The following DPH6 variants were observed in gnomAD, a reference collection of about 807,000 sequenced individuals.
DPH6 encodes diphthamine biosynthesis 6.
Under a neutral mutation model 38.2 loss-of-function variants are expected in DPH6, and 33 were observed. The observed-to-expected ratio is 0.86, with a 90% CI of 0.65 to 1.15. DPH6 has a LOEUF of 1.15. Among genes scored for constraint, DPH6 ranks in the 50% most tolerant of loss-of-function variants. The probability of loss-of-function intolerance (pLI) is 0.00; values close to 1 mark genes in which losing one functional copy is unlikely to be tolerated. For synonymous variants in DPH6, 108 were observed against 103.0 expected (o/e 1.05, Z -0.30); for missense variants, 325 against 320.0 (o/e 1.02, Z -0.12).
intron 6 of DPH6, among the ~76,000 whole-genome samples, chr15:35,410,603 A>C (rs907955466): frequency 6.6e-6 from 1 of 151,742 alleles, no homozygotes; most frequent in African/African-American, 2.4e-5. Context: ...TTTCTGACAG[A>C]CTAATTTCTT....
intron 5 of DPH6, among the ~76,000 whole-genome samples, chr15:35,415,480 C>T (rs1238115870): frequency 6.6e-6 from 1 of 151,944 alleles, no homozygotes; most frequent in African/African-American, 2.4e-5. Flanking sequence ...TCTTTTAATT[C>T]GTTGCAGAGT....
At chr15:35,389,624 T>C (rs571386372) in intron 6 of DPH6, among the ~76,000 whole-genome samples, 1 of 152,352 alleles carries the variant, frequency 6.6e-6, no homozygotes, top group East Asian at 1.9e-4. Flanking sequence ...TCGATCTTTG[T>C]TGGTTTAAAG....
chr15:35,191,843 C>T, the DPH6 span, among the ~76,000 whole-genome samples: 4 of 152,300 alleles, frequency 2.6e-5, no homozygotes, highest in East Asian at 7.7e-4. Flanking sequence ...TGCTTCCTTA[C>T]CTCTCCCTAA....
chr15:35,280,748 G>C (rs545169384), intron 3 of DPH6, among the ~76,000 whole-genome samples: 2 of 152,028 alleles, frequency 1.3e-5, no homozygotes, highest in African/African-American at 4.8e-5. Context: ...TCTCTTTTAT[G>C]TTCATTGAGG....
At chr15:35,471,269 ACT>A (rs2054195864) in intron 3 of DPH6, among the ~76,000 whole-genome samples, 1 of 151,974 alleles carries the variant, frequency 6.6e-6, no homozygotes, top group African/African-American at 2.4e-5. Flanking sequence ...GACTCTCTCC[ACT>A]CTCTCTGGGT....
At chr15:35,511,845 G>A (rs993523004) in intron 3 of DPH6, among the ~76,000 whole-genome samples, 1 of 152,052 alleles carries the variant, frequency 6.6e-6, no homozygotes, top group African/African-American at 2.4e-5. Context: ...ATATTATTTT[G>A]CAAAGTCTAA....
chr15:35,459,144 G>A (rs1273555835), intron 3 of DPH6, among the ~76,000 whole-genome samples: 4 of 152,174 alleles, frequency 2.6e-5, no homozygotes, highest in Non-Finnish European at 4.4e-5. Flanking sequence ...TGTAGACTGG[G>A]TTGCTTAAAC....
chr15:35,377,860 AT>A (rs2052802286), intron 7 of DPH6, among the ~76,000 whole-genome samples: 1 of 151,750 alleles, frequency 6.6e-6, no homozygotes, highest in African/African-American at 2.4e-5. Flanking sequence ...ATTTTTTATT[AT>A]TGTTATTCAT....
chr15:35,298,758 C>A, intron 3 of DPH6: 1 of 1,472,316 alleles, frequency 6.8e-7, no homozygotes, highest in African/African-American at 1.4e-5. Flanking sequence ...CCCAAGTTAG[C>A]GAGGAAGGAG....
At chr15:35,192,867 T>A in the DPH6 span, among the ~76,000 whole-genome samples, 1 of 152,188 alleles carries the variant, frequency 6.6e-6, no homozygotes. Flanking sequence ...CAAGAACCTA[T>A]GTGATGATAA....
chr15:35,463,137 C>T (rs1024237668), intron 3 of DPH6, among the ~76,000 whole-genome samples: 4 of 151,710 alleles, frequency 2.6e-5, no homozygotes, highest in African/African-American at 7.3e-5. Context: ...CAGATATATA[C>T]GAGTATGTGC....
chr15:35,251,843 G>A (rs941573194), intron 3 of DPH6, among the ~76,000 whole-genome samples: 3 of 152,210 alleles, frequency 2.0e-5, no homozygotes, highest in Admixed American at 1.3e-4. Context: ...ATGTTACTAT[G>A]CATAAATAAT....
At chr15:35,145,535 C>T in the DPH6 span, among the ~76,000 whole-genome samples, 23 of 152,332 alleles carry the variant, frequency 1.5e-4, 1 homozygote, top group African/African-American at 5.3e-4. Context: ...TTTAAGCTGG[C>T]AGGCTATTCT....
intron 6 of DPH6, among the ~76,000 whole-genome samples, chr15:35,409,453 T>C (rs1000703712): frequency 1.3e-5 from 2 of 152,012 alleles, no homozygotes; most frequent in Admixed American, 6.6e-5. Flanking sequence ...CATCCTATGA[T>C]AATACCCAGG....
intron 3 of DPH6, among the ~76,000 whole-genome samples, chr15:35,472,870 G>C (rs16961053): frequency 6.8e-6 from 1 of 147,776 alleles, no homozygotes; most frequent in Admixed American, 6.8e-5. Context: ...TAGCAAAGAC[G>C]TTCCAGAATA....
Position 35,371,071 on chromosome 15 carries a change from A to G in DPH6, c.*1079T>C, listed in dbSNP as rs1281953475. On this transcript the variant is annotated 3_prime_UTR_variant, in exon 9 of 9. Coordinates refer to ENST00000256538, the MANE Select transcript of DPH6 (RefSeq NM_080650.4). ...AAACCTAAATGCATATTAATACATG[A>G]AAGAAGCCAATCTGAAAAGCTATAT... 1 of 151,768 alleles carries G rather than the reference A, an allele frequency of 6.6e-6. No homozygotes were observed. Among genetic ancestry groups the G allele is most frequent in the Non-Finnish European group, 1.5e-5 (1 of 67,782 alleles). 9.4% of individuals were successfully genotyped at this position (151,768 alleles called of 1,614,324 possible). A position where few individuals can be genotyped will look rare whatever the true frequency, so the allele number is the denominator to read the frequency against.
At chr15:35,373,035 T>A (rs1729059184) in intron 8 of DPH6, among the ~76,000 whole-genome samples, 1 of 151,934 alleles carries the variant, frequency 6.6e-6, no homozygotes, top group Non-Finnish European at 1.5e-5. Context: ...ACAGTGTATT[T>A]AAAATAAAAC....
At chr15:35,226,528 T>C (rs1355025576) in intron 3 of DPH6, among the ~76,000 whole-genome samples, 1 of 152,192 alleles carries the variant, frequency 6.6e-6, no homozygotes, top group Non-Finnish European at 1.5e-5. Context: ...ATCAAAATGG[T>C]CTCATGTTTA....
At chr15:35,455,258 G>GA (rs957218492) in intron 3 of DPH6, among the ~76,000 whole-genome samples, 3 of 151,834 alleles carry the variant, frequency 2.0e-5, no homozygotes, top group South Asian at 2.1e-4. Context: ...GTAAATCTTA[G>GA]AAAAAAAATG....
Sources: allele counts gnomAD v4.1 joint callset (sites outside exome capture counted in the v4.1 genomes callset), GRCh38; gene constraint gnomAD v4.1.1; transcripts MANE v1.5; gene names NCBI Gene and HGNC (gene_info 2026-07-23, HGNC 2026-07-21).